The following C1orf116 variants were observed in gnomAD, a reference collection of about 807,000 sequenced individuals.
The protein encoded by C1orf116 is specifically androgen-regulated gene protein.
A neutral mutation model predicts 14.1 loss-of-function variants in C1orf116; 12 were observed. The ratio of observed to expected loss-of-function variants is 0.85; its 90% CI spans 0.54 to 1.38. The LOEUF (loss-of-function observed/expected upper bound fraction) is 1.38. Among genes scored for constraint, C1orf116 ranks in the 40% most tolerant of loss-of-function variants. The pLI, the probability that C1orf116 is intolerant of heterozygous loss-of-function variation, is 0.00. For missense variants in C1orf116, 797 were observed against 747.0 expected (o/e 1.07, Z -0.78); for synonymous variants, 296 against 299.0 (o/e 0.99, Z 0.10).
Position 207,022,853 on chromosome 1 carries a change from T to G in C1orf116, c.911A>C (p.Asn304Thr). The G allele has an allele frequency of 6.2e-7, 1 of 1,613,906 alleles. No individual in the cohort carries two copies. Among genetic ancestry groups the G allele is most frequent in the Non-Finnish European group, 8.5e-7 (1 of 1,179,960 alleles). Reference protein sequence around the residue: ...TTPKPRKLPPNIVLKSSRSSF... With the variant: ...TTPKPRKLPPTIVLKSSRSSF... ...GCTTCGGCTGCTCTTCAGAACAATA[T>G]TAGGTGGCAGCTTCCGGGGCTTAGG... The change falls in exon 4 of 4, where the codon AAT becomes ACT. Residue 304 changes from asparagine to threonine, a missense_variant. By Grantham distance (65) the Asn-to-Thr change is moderately conservative (BLOSUM62 0). Transcript: ENST00000359470.
intron 1 of C1orf116, 87 bp from the exon 2 acceptor site, chr1:207,027,766 C>T (rs1682127576): frequency 7.2e-6 from 10 of 1,385,498 alleles, no homozygotes; most frequent in Non-Finnish European, 9.5e-6. Flanking sequence ...GGGAAGGACA[C>T]CAAGCAAGCA....
Position 207,022,178 on chromosome 1 carries a change from CG to C in C1orf116, c.1585del (p.Arg529AlafsTer16). 3 of 1,613,476 alleles carry C rather than the reference CG, an allele frequency of 1.9e-6. No homozygotes were observed. In the South Asian group the frequency reaches 3.3e-5, roughly 18 times the overall value. ...SPSVLRNSRP[R>X]PASLGTGKDF... ...TTTCCCCGTGCCCAGGGAGGCCGGG[CG>C]GGGCCGAGAATTACGTAAGACACTG... On this transcript the variant is annotated frameshift_variant, in exon 4 of 4. Transcript: ENST00000359470. LOFTEE classifies it high-confidence loss of function.
rs1374362600 is a variant in C1orf116, at chr1:207,023,260, AG to A, written c.503del (p.Pro168LeufsTer123). On this transcript the variant is annotated frameshift_variant, in exon 4 of 4. Coordinates refer to ENST00000359470, the MANE Select transcript of C1orf116 (RefSeq NM_023938.6). LOFTEE classifies it low-confidence loss of function (END_TRUNC). ...PGEPGRLAPE[P>X]EKEQVSQSSQ... is the part of the protein sequence containing the mutation. ...TGCTCTGGCTGACCTGTTCTTTCTCAGGCTCTGGCGCAAGCCTCCCCGGTTC... is the reference window on the plus strand; with the variant it reads ...TGCTCTGGCTGACCTGTTCTTTCTCAGCTCTGGCGCAAGCCTCCCCGGTTC... 1.9e-6 allele frequency: 3 copies of A among 1,613,496 alleles called. No individual in the cohort carries two copies. The highest frequency in any genetic ancestry group is 2.5e-6 in the Non-Finnish European group (3 of 1,179,602).
Position 207,022,408 on chromosome 1 carries a change from G to A in C1orf116, c.1356C>T (p.Asn452=). ...CTGGCTTCGGTGGAGTCAGGGCACT[G>A]TTTGCCCTTGGGGCCTTAGGGATAG... ...PISIPKAPRA[N]SALTPPKPES... is the part of the protein sequence containing the mutation. Residue 452 remains asparagine (N), a synonymous_variant, in exon 4 of 4, where the codon AAC becomes AAT. Coordinates refer to ENST00000359470, the MANE Select transcript of C1orf116 (RefSeq NM_023938.6). The A allele has an allele frequency of 6.2e-7, 1 of 1,614,226 alleles. No individual in the cohort carries two copies. Among genetic ancestry groups the A allele is most frequent in the Non-Finnish European group, 8.5e-7 (1 of 1,180,036 alleles).
At position 207,025,050 on chromosome 1, in the gene C1orf116, G is replaced by C; in HGVS notation, c.120C>G (p.Tyr40Ter). ...STRSGSSDSS[Y>*]DFLSTEEKEC... ...CCTTCTCTTCAGTGGACAGGAAGTC[G>C]TAGCTGCTATCACTCTGTTGGGTTT... The change falls in exon 3 of 4, where the codon TAC becomes TAG. Residue 40 changes from tyrosine to a stop codon, truncating the protein, a stop_gained. Transcript: ENST00000359470. LOFTEE classifies it high-confidence loss of function. 1.5e-6 allele frequency: 2 copies of C among 1,365,248 alleles called. No individual in the cohort carries two copies. Among genetic ancestry groups the C allele is most frequent in the Admixed American group, 2.0e-5 (1 of 51,104 alleles). 84.6% of individuals were successfully genotyped at this position (1,365,248 alleles called of 1,614,324 possible).
At chr1:207,031,197 A>G (rs544049838) in intron 1 of C1orf116, among the ~76,000 whole-genome samples, 2 of 152,370 alleles carry the variant, frequency 1.3e-5, no homozygotes, top group African/African-American at 2.4e-5. Flanking sequence ...GAAAAATAGC[A>G]GAATGACTAA....
Position 207,022,298 on chromosome 1 carries a change from A to G in C1orf116, c.1466T>C (p.Val489Ala). The G allele has an allele frequency of 1.9e-6, 3 of 1,613,830 alleles. No individual in the cohort carries two copies. Among genetic ancestry groups the G allele is most frequent in the Non-Finnish European group, 2.5e-6 (3 of 1,179,856 alleles). Reference protein sequence around the residue: ...FKSNTLERSGVGLSSYLSTEK... With the variant: ...FKSNTLERSGAGLSSYLSTEK... Reference sequence around the variant, plus strand: ...AGTTGAAAGGTAGCTGCTCAGTCCCACGCCTGAGCGCTCCAGAGTGTTGGA... The same window carrying G: ...AGTTGAAAGGTAGCTGCTCAGTCCCGCGCCTGAGCGCTCCAGAGTGTTGGA... Residue 489 changes from valine (V) to alanine (A), a missense_variant, in exon 4 of 4, where the codon GTG becomes GCG. Physicochemically the swap from Val to Ala is moderately conservative, Grantham distance 64. Transcript: ENST00000359470.
rs761196899 is a variant in C1orf116 at position 207,022,293 on chromosome 1, G to A, written c.1471C>T (p.Leu491=). Residue 491 remains leucine, a synonymous_variant, in exon 4 of 4, where the codon CTG becomes TTG. Coordinates refer to ENST00000359470, the MANE Select transcript of C1orf116 (RefSeq NM_023938.6). ...SNTLERSGVG[L]SSYLSTEKDA... ...TTCTCAGTTGAAAGGTAGCTGCTCA[G>A]TCCCACGCCTGAGCGCTCCAGAGTG... is the stretch of plus-strand genomic sequence containing the variant. 6.2e-7 allele frequency: 1 copy of A among 1,613,836 alleles called. No homozygotes were observed. The highest frequency in any genetic ancestry group is 8.5e-7 in the Non-Finnish European group (1 of 1,179,888).
Position 207,027,535 on chromosome 1 carries a change from A to G in C1orf116, c.64T>C (p.Cys22Arg). The change falls in exon 2 of 4, where the codon TGT (cysteine) becomes CGT (arginine). Residue 22 changes from cysteine (C) to arginine (R), a missense_variant. Transcript: ENST00000359470. Reference protein sequence around the residue: ...GSEPVTRVGSCDSMMSSTSTR... With the variant: ...GSEPVTRVGSRDSMMSSTSTR... ...GAGGTGCTGCTCATCATGCTGTCACAGCTGCCGACACGGGTCACGGGTTCT... is the reference window on the plus strand; with the variant it reads ...GAGGTGCTGCTCATCATGCTGTCACGGCTGCCGACACGGGTCACGGGTTCT... The G allele has an allele frequency of 6.2e-7, 1 of 1,613,906 alleles. No homozygotes were observed. Among genetic ancestry groups the G allele is most frequent in the Non-Finnish European group, 8.5e-7 (1 of 1,180,040 alleles).
rs760559013 is a variant in C1orf116 at position 207,024,889 on chromosome 1, C to T, written c.281G>A (p.Arg94Gln). The change falls in exon 3 of 4, where the codon CGG (arginine) becomes CAG (glutamine). Residue 94 changes from arginine to glutamine, a missense_variant and splice_region_variant. Physicochemically the swap from Arg to Gln is conservative, Grantham distance 43. Coordinates refer to ENST00000359470, the MANE Select transcript of C1orf116 (RefSeq NM_023938.6). ...CCACCCCAGAGGGTCTGCCTTACCC[C>T]GGGGAGTGGGTTGGGTTATGGGCAG... is the stretch of plus-strand genomic sequence containing the variant. ...RALPITQPTP[R>Q]GGPEETITQQ... 3.0e-5 allele frequency: 49 copies of T among 1,610,832 alleles called. No homozygotes were observed. Among genetic ancestry groups the T allele is most frequent in the African/African-American group, 6.7e-5 (5 of 74,804 alleles).
rs115834335 is a variant in C1orf116 at position 207,027,632 on chromosome 1, G to A, written c.-34C>T. On this transcript the variant is annotated 5_prime_UTR_variant, in exon 2 of 4. Coordinates refer to ENST00000359470, the MANE Select transcript of C1orf116 (RefSeq NM_023938.6). ...ACAAGGTGCAGGGATGGCAAAGGGG[G>A]CTTCTAGAGGGGAAGCGAGGGGAAG... is the stretch of plus-strand genomic sequence containing the variant. The A allele has an allele frequency of 6.6e-4, 1,059 of 1,606,346 alleles. 7 individuals carry two copies. In the African/African-American group the frequency reaches 0.012, roughly 17 times the overall value.
rs1401327233 is a variant in C1orf116 at position 207,021,894 on chromosome 1, C to G, written c.*64G>C. 4.1e-6 allele frequency: 6 copies of G among 1,459,626 alleles called. No individual in the cohort carries two copies. The highest frequency in any genetic ancestry group is 5.4e-6 in the Non-Finnish European group (6 of 1,101,610). 90.4% of individuals were successfully genotyped at this position (1,459,626 alleles called of 1,614,324 possible). A position where few individuals can be genotyped will look rare whatever the true frequency, so the allele number is the denominator to read the frequency against. On this transcript the variant is annotated 3_prime_UTR_variant, in exon 4 of 4. Coordinates refer to ENST00000359470, the MANE Select transcript of C1orf116 (RefSeq NM_023938.6). Reference sequence around the variant, plus strand: ...GCCCTGAGTTGCGTGGTGGCAAAGGCTCCCAAGTGGAGCATGTGTCTCTTC... The same window carrying G: ...GCCCTGAGTTGCGTGGTGGCAAAGGGTCCCAAGTGGAGCATGTGTCTCTTC...
chr1:207,023,682 A>G (rs1233987495), intron 3 of C1orf116, among the ~76,000 whole-genome samples: 1 of 152,204 alleles, frequency 6.6e-6, no homozygotes, highest in Non-Finnish European at 1.5e-5. Context: ...TAGATCAGTA[A>G]TAGCAGATCC....
rs935894502 is a variant in C1orf116 at position 207,018,776 on chromosome 1, T to C, written c.*3182A>G. Reference sequence around the variant, plus strand: ...GGGAAAAGAGCCTAGATGTGTTCTATCTGCATTCCTGCTTAGATTCTGCAT... The same window carrying C: ...GGGAAAAGAGCCTAGATGTGTTCTACCTGCATTCCTGCTTAGATTCTGCAT... On this transcript the variant is annotated 3_prime_UTR_variant, in exon 4 of 4. Transcript: ENST00000359470. 1 of 152,256 alleles carries C rather than the reference T, an allele frequency of 6.6e-6. No homozygotes were observed. The highest frequency in any genetic ancestry group is 2.1e-4 in the South Asian group (1 of 4,828). The allele number at this position is 152,256 out of a possible 1,614,324, so 9.4% of individuals were successfully genotyped here. A position where few individuals can be genotyped will look rare whatever the true frequency, so the allele number is the denominator to read the frequency against.
chr1:207,027,347 G>C (rs1049340898), intron 2 of C1orf116, 147 bp downstream of exon 2: 6 of 1,015,126 alleles, frequency 5.9e-6, no homozygotes, highest in Non-Finnish European at 8.6e-6. Flanking sequence ...CAGGCAGAAA[G>C]CACCCACTGG....
rs1558044196 is a variant in C1orf116, at chr1:207,023,324, C to A, written c.440G>T (p.Arg147Met). 6.2e-7 allele frequency: 1 copy of A among 1,614,182 alleles called. No homozygotes were observed. Among genetic ancestry groups the A allele is most frequent in the Admixed American group, 1.7e-5 (1 of 60,026 alleles). ...ACTGCTAGCCTGGGTGGTGCTTTTC[C>A]TGAAGTTCTGGCTTCTGGCAATGTG... ...NIHIARSQNF[R>M]KSTTQASSHN... Residue 147 changes from arginine to methionine, a missense_variant, in exon 4 of 4, where the codon AGG becomes ATG. Arg to Met is a moderately conservative substitution (Grantham distance 91). Coordinates refer to ENST00000359470, the MANE Select transcript of C1orf116 (RefSeq NM_023938.6).
chr1:207,032,170 CTGTTACAGTCGCTA>C (rs1218684297), intron 1 of C1orf116, among the ~76,000 whole-genome samples: 2 of 152,196 alleles, frequency 1.3e-5, no homozygotes, highest in Non-Finnish European at 2.9e-5. Context: ...GGAGAATTTC[CTGTTACAGTCGCTA>C]TGGAAAACCA....
chr1:207,027,990 G>A lies in C1orf116; in HGVS notation c.-81-311C>T, dbSNP rs184440998. On this transcript the variant is annotated intron_variant, in intron 1 of 3. Coordinates refer to ENST00000359470, the MANE Select transcript of C1orf116 (RefSeq NM_023938.6). ...ATTACTATAAGCAATAAATATTACA[G>A]GCGTCAATACCTTGGGTTCTGGAGT... 6.4e-4 allele frequency among the ~76,000 whole-genome samples: 98 copies of A among 152,304 alleles called. 1 individual carries two copies. Among genetic ancestry groups the A allele is most frequent in the African/African-American group, 2.2e-3 (92 of 41,556 alleles).
At position 207,024,981 on chromosome 1, in the gene C1orf116, C is replaced by T. The variant is rs943439077; in HGVS notation, c.189G>A (p.Thr63=). The change falls in exon 3 of 4, where the codon ACG becomes ACA. Residue 63 remains threonine, a synonymous_variant. Transcript: ENST00000359470. ...CAGTGGACAGTCCGCTGTCAGCCTC[C>T]GTGTCCAGTGAGCCAATGGTCTCCT... is the stretch of plus-strand genomic sequence containing the variant. ...FLEETIGSLD[T]EADSGLSTDE... is the part of the protein sequence containing the mutation. 34 of 1,613,082 alleles carry T rather than the reference C, an allele frequency of 2.1e-5. No individual in the cohort carries two copies. The highest frequency in any genetic ancestry group is 2.7e-5 in the Non-Finnish European group (32 of 1,179,692).
Sources: gnomAD v4.1 joint callset for allele counts (sites outside exome capture counted in the v4.1 genomes callset) on GRCh38, gnomAD v4.1.1 for gene constraint, MANE v1.5 for transcripts, NCBI Gene and HGNC (gene_info 2026-07-23, HGNC 2026-07-21) for gene names.